LSM8: variants seen among roughly 807,000 people sequenced by gnomAD.
LSM8 encodes LSM8 homolog, U6 small nuclear RNA associated, also known as LSM8 U6 small nuclear RNA associated.
Under a neutral mutation model 15.0 loss-of-function variants are expected in LSM8, and 14 were observed. The ratio of observed to expected loss-of-function variants is 0.93; its 90% CI spans 0.62 to 1.46. The LOEUF (loss-of-function observed/expected upper bound fraction) is 1.46. Among genes scored for constraint, LSM8 ranks in the 40% most tolerant of loss-of-function variants. The pLI, the probability that LSM8 is intolerant of heterozygous loss-of-function variation, is 0.00. For missense variants in LSM8, 90 were observed against 115.4 expected (o/e 0.78, Z 1.01); for synonymous variants, 50 against 42.1 (o/e 1.19, Z -0.73).
intron 3 of LSM8, chr7:118,191,541 T>G (rs1053933572): frequency 6.4e-6 from 1 of 156,506 alleles, no homozygotes; most frequent in South Asian, 2.0e-4. Context: ...TTTGTGAAAT[T>G]TATTTTTAAT....
chr7:118,201,587 C>T lies in LSM8; in HGVS notation c.*9585C>T, dbSNP rs1044414349. On this transcript the variant is annotated 3_prime_UTR_variant, in exon 4 of 4. Coordinates refer to ENST00000249299, the MANE Select transcript of LSM8 (RefSeq NM_016200.5). ...TTGATATAAAAAGCTCAGTAAAATT[C>T]ATTAATTTGAGAATGTGTCTATATC... Among the ~76,000 whole-genome samples, 4 of 152,096 alleles carry T rather than the reference C, an allele frequency of 2.6e-5. No individual in the cohort carries two copies. Among genetic ancestry groups the T allele is most frequent in the African/African-American group, 9.6e-5 (4 of 41,520 alleles).
At chr7:118,186,885 T>A (rs575009819) in intron 2 of LSM8, among the ~76,000 whole-genome samples, 2 of 151,986 alleles carry the variant, frequency 1.3e-5, no homozygotes, top group Non-Finnish European at 2.9e-5. Flanking sequence ...ATATTTGCAT[T>A]TTTTTTTAAT....
chr7:118,188,326 A>T lies in LSM8; in HGVS notation c.121A>T (p.Ser41Cys). 1 of 1,613,560 alleles carries T rather than the reference A, an allele frequency of 6.2e-7. No individual in the cohort carries two copies. The highest frequency in any genetic ancestry group is 1.3e-5 in the African/African-American group (1 of 75,046). Residue 41 changes from serine to cysteine, a missense_variant, in exon 3 of 4, where the codon AGC (serine) becomes TGC (cysteine). Physicochemically the swap from Ser to Cys is moderately radical, Grantham distance 112 (BLOSUM62 -1). Coordinates refer to ENST00000249299, the MANE Select transcript of LSM8 (RefSeq NM_016200.5). ...GACCATTAATTTGATTTTGGATGAA[A>T]GCCATGAACGAGTATTCAGCTCTTC... ...DQTINLILDE[S>C]HERVFSSSQG... is the part of the protein sequence containing the mutation.
rs144582453 is a variant in LSM8, at chr7:118,201,502, T to C, written c.*9500T>C. 3.2e-4 allele frequency among the ~76,000 whole-genome samples: 48 copies of C among 152,234 alleles called. No homozygotes were observed. The highest frequency in any genetic ancestry group is 1.1e-3 in the African/African-American group (44 of 41,578). The stretch of plus-strand genomic sequence containing the variant: ...CATCAATAAATCGCTCTGTGATGCA[T>C]TTTATAATGTACAACCAAGAATCTC... On this transcript the variant is annotated 3_prime_UTR_variant, in exon 4 of 4. Coordinates refer to ENST00000249299, the MANE Select transcript of LSM8 (RefSeq NM_016200.5).
Position 118,193,114 on chromosome 7 carries a change from G to C in LSM8, c.*1112G>C, listed in dbSNP as rs1307869310. 3.9e-5 allele frequency among the ~76,000 whole-genome samples: 6 copies of C among 152,104 alleles called. No individual in the cohort carries two copies. Among genetic ancestry groups the C allele is most frequent in the Admixed American group, 6.5e-5 (1 of 15,278 alleles). On this transcript the variant is annotated 3_prime_UTR_variant, in exon 4 of 4. Coordinates refer to ENST00000249299, the MANE Select transcript of LSM8 (RefSeq NM_016200.5). ...AGTGCTTAAAAATAGTAGTTGGCAA[G>C]CTTTTTCTATGAAGATCCAGATAGT...
chr7:118,196,811 C>A lies in LSM8; in HGVS notation c.*4809C>A, dbSNP rs988213621. 4.6e-5 allele frequency among the ~76,000 whole-genome samples: 7 copies of A among 151,440 alleles called. No individual in the cohort carries two copies. Among genetic ancestry groups the A allele is most frequent in the Non-Finnish European group, 1.0e-4 (7 of 67,926 alleles). ...GTGGTGCAATCTTGGCTCACTACAA[C>A]CTCCGCATCCTGGGTTCAAGCGATT... On this transcript the variant is annotated 3_prime_UTR_variant, in exon 4 of 4. Coordinates refer to ENST00000249299, the MANE Select transcript of LSM8 (RefSeq NM_016200.5).
At position 118,198,491 on chromosome 7, in the gene LSM8, C is replaced by G. The variant is rs57842865; in HGVS notation, c.*6489C>G. 6.6e-6 allele frequency among the ~76,000 whole-genome samples: 1 copy of G among 152,160 alleles called. No individual in the cohort carries two copies. Among genetic ancestry groups the G allele is most frequent in the African/African-American group, 2.4e-5 (1 of 41,510 alleles). The stretch of plus-strand genomic sequence containing the variant: ...ATGACAGTAACAGAGATGACATGCC[C>G]GGTAAACTGGTGTTTGAAGGCAATA... On this transcript the variant is annotated 3_prime_UTR_variant, in exon 4 of 4. Coordinates refer to ENST00000249299, the MANE Select transcript of LSM8 (RefSeq NM_016200.5).
At chr7:118,191,756 ATGT>A in intron 3 of LSM8, 153 bp from the exon 4 acceptor site, 1 of 582,570 alleles carries the variant, frequency 1.7e-6, no homozygotes, top group Non-Finnish European at 3.0e-6. Flanking sequence ...ACTCACGCCA[ATGT>A]TGTTTGCTTT....
In LSM8 at chr7:118,200,625, T is replaced by C. The variant is rs1200292817; in HGVS notation, c.*8623T>C. On this transcript the variant is annotated 3_prime_UTR_variant, in exon 4 of 4. Coordinates refer to ENST00000249299, the MANE Select transcript of LSM8 (RefSeq NM_016200.5). ...TATCAAATTATTAATGATTCTTCCA[T>C]AATAAACAAGCAAACTGTCATACTT... Among the ~76,000 whole-genome samples, 1 of 152,142 alleles carries C rather than the reference T, an allele frequency of 6.6e-6. No homozygotes were observed. The highest frequency in any genetic ancestry group is 2.1e-4 in the South Asian group (1 of 4,836).
At chr7:118,185,782 A>G in intron 2 of LSM8, 88 bp downstream of exon 2, 1 of 1,113,632 alleles carries the variant, frequency 9.0e-7, no homozygotes, top group Non-Finnish European at 1.4e-6. Context: ...TAATGCCTAG[A>G]CAGCACATTA....
Position 118,202,887 on chromosome 7 carries a change from G to T in LSM8, c.*10885G>T, listed in dbSNP as rs1047942689. On this transcript the variant is annotated 3_prime_UTR_variant, in exon 4 of 4. Coordinates refer to ENST00000249299, the MANE Select transcript of LSM8 (RefSeq NM_016200.5). ...AATATGAATTTTAATAAATTCCCCA[G>T]GTGAGTCATATGCACATTAAAGTTT... is the stretch of plus-strand genomic sequence containing the variant. Among the ~76,000 whole-genome samples the T allele has an allele frequency of 6.6e-6, 1 of 151,812 alleles. No homozygotes were observed. Among genetic ancestry groups the T allele is most frequent in the Admixed American group, 6.6e-5 (1 of 15,188 alleles).
rs376952906 is a variant in LSM8, at chr7:118,184,187, C to A, written c.-37C>A. The stretch of plus-strand genomic sequence containing the variant: ...CCCTTTCAGTTCTGCTTGCTGTCGG[C>A]ACCGCTGCGTTACCCGGAACCGCCG... On this transcript the variant is annotated 5_prime_UTR_variant, in exon 1 of 4. Coordinates refer to ENST00000249299, the MANE Select transcript of LSM8 (RefSeq NM_016200.5). The A allele has an allele frequency of 6.5e-7, 1 of 1,543,104 alleles. No individual in the cohort carries two copies. The highest frequency in any genetic ancestry group is 8.7e-7 in the Non-Finnish European group (1 of 1,143,332).
rs948205642 is a variant in LSM8, at chr7:118,200,667, T to C, written c.*8665T>C. On this transcript the variant is annotated 3_prime_UTR_variant, in exon 4 of 4. Coordinates refer to ENST00000249299, the MANE Select transcript of LSM8 (RefSeq NM_016200.5). Reference sequence around the variant, plus strand: ...GTCATACTTGTTGACTTATATTTCATTCCATGGAATTCAAATTTAATTAAT... The same window carrying C: ...GTCATACTTGTTGACTTATATTTCACTCCATGGAATTCAAATTTAATTAAT... 6.6e-6 allele frequency among the ~76,000 whole-genome samples: 1 copy of C among 152,144 alleles called. No individual in the cohort carries two copies. Among genetic ancestry groups the C allele is most frequent in the Admixed American group, 6.6e-5 (1 of 15,250 alleles).
chr7:118,194,670 G>A lies in LSM8; in HGVS notation c.*2668G>A, dbSNP rs11977411. On this transcript the variant is annotated 3_prime_UTR_variant, in exon 4 of 4. Coordinates refer to ENST00000249299, the MANE Select transcript of LSM8 (RefSeq NM_016200.5). ...AACGATGTCAACATTTTCCTCAGCC[G>A]TGTAACCTGAGATTCATCATGGGAA... 9.9e-3 allele frequency among the ~76,000 whole-genome samples: 1,506 copies of A among 152,184 alleles called. 25 individuals carry two copies. The highest frequency in any genetic ancestry group is 0.035 in the African/African-American group (1,433 of 41,524).
rs1369129938 is a variant in LSM8, at chr7:118,193,453, T to G, written c.*1451T>G. Among the ~76,000 whole-genome samples the G allele has an allele frequency of 1.3e-5, 2 of 152,226 alleles. No individual in the cohort carries two copies. The highest frequency in any genetic ancestry group is 4.8e-5 in the African/African-American group (2 of 41,556). ...ATACTTATTAAACATAATAGCTTTT[T>G]GGGGGAGGAAAATATCTTCACTCAA... On this transcript the variant is annotated 3_prime_UTR_variant, in exon 4 of 4. Transcript: ENST00000249299.
At chr7:118,188,541 C>A in intron 3 of LSM8, 136 bp downstream of exon 3, 1 of 768,974 alleles carries the variant, frequency 1.3e-6, no homozygotes, top group Non-Finnish European at 1.9e-6. Flanking sequence ...CGTAAATATA[C>A]CTTTTCTTAT....
Position 118,185,695 on chromosome 7 carries a change from G to GT in LSM8, c.72+2dup. On this transcript the variant is annotated splice_donor_variant, in intron 2 of 3. Coordinates refer to ENST00000249299, the MANE Select transcript of LSM8 (RefSeq NM_016200.5). LOFTEE classifies it high-confidence loss of function. ...TACATCAGATGGGAGAATGATTGTG[G>GT]TAAGTCTTTGGAATTTTCATTCTCT... is the stretch of plus-strand genomic sequence containing the variant. 1 of 1,608,956 alleles carries GT rather than the reference G, an allele frequency of 6.2e-7. No individual in the cohort carries two copies. The highest frequency in any genetic ancestry group is 8.5e-7 in the Non-Finnish European group (1 of 1,176,100).
Position 118,196,700 on chromosome 7 carries a change from T to TTTA in LSM8, c.*4700_*4701insATT, listed in dbSNP as rs1809082794. ...TTTCTTTTTTTTTAAGTCCTTTAAT[T>TTTA]TTTATTTATTTATTTATTTATTTAT... On this transcript the variant is annotated 3_prime_UTR_variant, in exon 4 of 4. Transcript: ENST00000249299. Among the ~76,000 whole-genome samples, 2 of 129,752 alleles carry TTTA rather than the reference T, an allele frequency of 1.5e-5. No homozygotes were observed. The highest frequency in any genetic ancestry group is 2.8e-5 in the African/African-American group (1 of 35,242). 85.1% of individuals were successfully genotyped at this position (129,752 alleles called of 152,430 possible).
At position 118,201,717 on chromosome 7, in the gene LSM8, C is replaced by T. The variant is rs1562865549; in HGVS notation, c.*9715C>T. 6.6e-6 allele frequency among the ~76,000 whole-genome samples: 1 copy of T among 152,006 alleles called. No homozygotes were observed. Among genetic ancestry groups the T allele is most frequent in the African/African-American group, 2.4e-5 (1 of 41,400 alleles). On this transcript the variant is annotated 3_prime_UTR_variant, in exon 4 of 4. Transcript: ENST00000249299. ...TAAAGCTGTAAAATTAAACTCTGTACAATTCTAGTTATTTGAAATATAAAA... is the reference window on the plus strand; with the variant it reads ...TAAAGCTGTAAAATTAAACTCTGTATAATTCTAGTTATTTGAAATATAAAA...
Sources: gnomAD v4.1 joint callset for allele counts (sites outside exome capture counted in the v4.1 genomes callset) on GRCh38, gnomAD v4.1.1 for gene constraint, MANE v1.5 for transcripts, NCBI Gene and HGNC (gene_info 2026-07-23, HGNC 2026-07-21) for gene names.